Variants in SLC14A2 observed in about 807,000 individuals in gnomAD.
SLC14A2 encodes urea transporter 2.
SLC14A2 carries 91 observed loss-of-function variants against 104.6 expected under a neutral mutation model. The ratio of observed to expected loss-of-function variants is 0.87; its 90% CI spans 0.73 to 1.04. The LOEUF is 1.04. SLC14A2 is among the 50% of genes least tolerant of loss of function. The probability of loss-of-function intolerance (pLI) is 0.00; values close to 1 mark genes in which losing one functional copy is unlikely to be tolerated. For synonymous variants in SLC14A2, 476 were observed against 466.4 expected (o/e 1.02, Z -0.27); for missense variants, 1,189 against 1,156.0 (o/e 1.03, Z -0.41).
intron 2 of SLC14A2, among the ~76,000 whole-genome samples, chr18:45,578,039 G>T (rs907168175): frequency 1.3e-5 from 2 of 152,056 alleles, no homozygotes. Flanking sequence ...TAGCCCTGTG[G>T]GCCATATTTC....
At chr18:45,402,465 TG>T (rs1419682750) in intron 1 of SLC14A2, among the ~76,000 whole-genome samples, 1 of 152,258 alleles carries the variant, frequency 6.6e-6, no homozygotes, top group Non-Finnish European at 1.5e-5. Flanking sequence ...ATTGTTTGCC[TG>T]AAATTAATTG....
chr18:45,303,612 G>C (rs74637659), intron 1 of SLC14A2, among the ~76,000 whole-genome samples: 1,921 of 152,306 alleles, frequency 0.013, 16 homozygotes, highest in Non-Finnish European at 0.018. Flanking sequence ...ATAAGGGGAG[G>C]CATCTCTGCT....
intron 1 of SLC14A2, among the ~76,000 whole-genome samples, chr18:45,283,770 G>T (rs779460478): frequency 3.9e-5 from 6 of 151,910 alleles, no homozygotes; most frequent in Admixed American, 1.3e-4. Flanking sequence ...ATGCCCCCTC[G>T]TGGGTTCTTG....
chr18:45,673,753 C>T lies in SLC14A2; in HGVS notation c.2448C>T (p.Cys816=), dbSNP rs369767872. ...GTGGCTTCAACAGCACCCTCGCATGCATAGCGATAGGAGGCATGTTCTACG... is the reference window on the plus strand; with the variant it reads ...GTGGCTTCAACAGCACCCTCGCATGTATAGCGATAGGAGGCATGTTCTACG... ...GLCGFNSTLA[C]IAIGGMFYVI... The change falls in exon 18 of 20, where the codon TGC becomes TGT. Residue 816 remains cysteine, a synonymous_variant. Transcript: ENST00000255226. 6.2e-7 allele frequency: 1 copy of T among 1,614,198 alleles called. No homozygotes were observed.
chr18:45,318,454 G>T (rs545106710), intron 1 of SLC14A2, among the ~76,000 whole-genome samples: 1 of 152,254 alleles, frequency 6.6e-6, no homozygotes, highest in East Asian at 1.9e-4. Flanking sequence ...GAGAGAGTCC[G>T]TGTGAAAGTT....
chr18:45,263,927 A>G (rs1449529737), intron 1 of SLC14A2, among the ~76,000 whole-genome samples: 1 of 152,172 alleles, frequency 6.6e-6, no homozygotes, highest in Non-Finnish European at 1.5e-5. Context: ...GGCATTTAGA[A>G]ACCAAGATCT....
At chr18:45,222,798 A>G (rs1399886483) in intron 1 of SLC14A2, among the ~76,000 whole-genome samples, 3 of 152,126 alleles carry the variant, frequency 2.0e-5, no homozygotes, top group East Asian at 1.9e-4. Context: ...GCTTGGATCG[A>G]CTTCCCTAGA....
chr18:45,604,336 A>G (rs1463500174), intron 2 of SLC14A2, among the ~76,000 whole-genome samples: 1 of 152,236 alleles, frequency 6.6e-6, no homozygotes, highest in Non-Finnish European at 1.5e-5. Context: ...GCCTCCTATC[A>G]GCAGCATAAC....
intron 11 of SLC14A2, among the ~76,000 whole-genome samples, 173 bp downstream of exon 11, chr18:45,664,080 C>A (rs375348974): frequency 1.2e-4 from 19 of 152,226 alleles, no homozygotes; most frequent in African/African-American, 4.3e-4. Flanking sequence ...CGTCTGGATG[C>A]CCCCTGGGTC....
At chr18:45,438,381 C>A (rs1295682679) in intron 1 of SLC14A2, 2 of 152,132 alleles carry the variant, frequency 1.3e-5, no homozygotes, top group Non-Finnish European at 2.9e-5. Context: ...TATTCCACAG[C>A]TAGCAGAATT....
Position 45,504,717 on chromosome 18 carries a change from C to T in SLC14A2, c.-35+21395C>T, listed in dbSNP as rs369745184. On this transcript the variant is annotated intron_variant, in intron 2 of 20. Coordinates refer to the SLC14A2 transcript ENST00000586448. The stretch of plus-strand genomic sequence containing the variant: ...GCCTGGCAGCACTAGCCTGTGGAAG[C>T]AACTCAATCCAGGAACTTATTAAAA... Among the ~76,000 whole-genome samples the T allele has an allele frequency of 3.9e-5, 6 of 152,210 alleles. No homozygotes were observed. In the East Asian group the frequency reaches 1.2e-3, roughly 29 times the overall value.
At chr18:45,423,835 A>T (rs79227239) in intron 1 of SLC14A2, 2 of 152,170 alleles carry the variant, frequency 1.3e-5, no homozygotes, top group Admixed American at 6.5e-5. Context: ...GTGTGTCCTC[A>T]TCTCATCCCC....
At chr18:45,499,538 A>G (rs2043157439) in intron 2 of SLC14A2, among the ~76,000 whole-genome samples, 2 of 152,378 alleles carry the variant, frequency 1.3e-5, no homozygotes, top group East Asian at 1.9e-4. Context: ...CTCTATAAAA[A>G]TGGGTATTAT....
At chr18:45,199,983 C>G in the SLC14A2 span, among the ~76,000 whole-genome samples, 1 of 152,176 alleles carries the variant, frequency 6.6e-6, no homozygotes, top group East Asian at 1.9e-4. Context: ...TTAAAGAACC[C>G]TAGCTGGACC....
intron 1 of SLC14A2, among the ~76,000 whole-genome samples, chr18:45,358,777 T>G (rs537307551): frequency 4.6e-5 from 7 of 152,268 alleles, no homozygotes; most frequent in African/African-American, 1.7e-4. Flanking sequence ...GATGGTGATC[T>G]TGCTATGTTG....
At chr18:45,623,780 G>A (rs888513071) in intron 1 of SLC14A2, among the ~76,000 whole-genome samples, 2 of 152,136 alleles carry the variant, frequency 1.3e-5, no homozygotes, top group Non-Finnish European at 2.9e-5. Context: ...CATGGAGCAC[G>A]GAGCAATGGG....
intron 2 of SLC14A2, among the ~76,000 whole-genome samples, chr18:45,548,887 A>G (rs528286694): frequency 1.3e-5 from 2 of 152,262 alleles, no homozygotes; most frequent in Non-Finnish European, 2.9e-5. Flanking sequence ...AGATGCAGCC[A>G]AGTGTAGGAC....
chr18:45,420,322 TA>T lies in SLC14A2; in HGVS notation c.-124-62910del, dbSNP rs2086329452. On this transcript the variant is annotated intron_variant, in intron 1 of 20. Coordinates refer to the SLC14A2 transcript ENST00000586448. Reference sequence around the variant, plus strand: ...CTTTATGAACCAGCCTTGGAAGTCATATACCATAACTTCTAGTGTATTCTAT... The same window carrying T: ...CTTTATGAACCAGCCTTGGAAGTCATTACCATAACTTCTAGTGTATTCTAT... Among the ~76,000 whole-genome samples the T allele has an allele frequency of 2.8e-5, 3 of 108,900 alleles. No individual in the cohort carries two copies. The South Asian group carries it at 7.5e-4, about 27-fold the overall frequency. The allele number at this position is 108,900 out of a possible 152,430, so 71.4% of individuals were successfully genotyped here.
chr18:45,334,315 C>T (rs548203250), intron 1 of SLC14A2, among the ~76,000 whole-genome samples: 1 of 152,180 alleles, frequency 6.6e-6, no homozygotes, highest in African/African-American at 2.4e-5. Context: ...CTTTAGACCC[C>T]AACCAGTAGC....
Sources: allele counts gnomAD v4.1 joint callset (sites outside exome capture counted in the v4.1 genomes callset), GRCh38; gene constraint gnomAD v4.1.1; transcripts MANE v1.5; gene names NCBI Gene and HGNC (gene_info 2026-07-23, HGNC 2026-07-21).